The following NUFIP1 variants were observed in gnomAD, a reference collection of about 807,000 sequenced individuals.
The protein encoded by NUFIP1 is FMR1-interacting protein NUFIP1.
In NUFIP1, 38 loss-of-function variants were observed where a neutral mutation model predicts 56.2. The ratio of observed to expected loss-of-function variants is 0.68; its 90% confidence interval spans 0.52 to 0.89. NUFIP1 has a LOEUF of 0.89. NUFIP1 is among the 40% of genes least tolerant of loss of function. The pLI, the probability that NUFIP1 is intolerant of heterozygous loss-of-function variation, is 0.00. For missense variants in NUFIP1, 567 were observed against 605.8 expected (o/e 0.94, Z 0.67); for synonymous variants, 215 against 212.4 (o/e 1.01, Z -0.10).
intron 1 of NUFIP1, among the ~76,000 whole-genome samples, chr13:44,982,970 T>C (rs142925512): frequency 6.6e-6 from 1 of 152,276 alleles, no homozygotes; most frequent in East Asian, 1.9e-4. Context: ...ATCATGCCAC[T>C]ACACTCCAGT....
intron 7 of NUFIP1, 110 bp from the exon 8 acceptor site, chr13:44,949,948 A>T: frequency 1.3e-6 from 1 of 749,504 alleles, no homozygotes; most frequent in Non-Finnish European, 2.4e-6. Flanking sequence ...TCATTTCCTT[A>T]ATCTTTCCAA....
intron 5 of NUFIP1, among the ~76,000 whole-genome samples, chr13:44,970,958 G>A (rs1343477721): frequency 6.6e-6 from 1 of 152,172 alleles, no homozygotes; most frequent in Admixed American, 6.5e-5. Flanking sequence ...TTACAGGTGT[G>A]AGCCACCACG....
intron 6 of NUFIP1, among the ~76,000 whole-genome samples, chr13:44,962,254 C>T (rs1290225662): frequency 2.0e-5 from 3 of 152,162 alleles, no homozygotes; most frequent in Admixed American, 1.3e-4. Context: ...AAGAGATACA[C>T]TTTAAATATA....
At position 44,982,082 on chromosome 13, in the gene NUFIP1, T is replaced by C. The variant is rs554824619; in HGVS notation, c.485A>G (p.Gln162Arg). The change falls in exon 2 of 10, where the codon CAG (glutamine) becomes CGG (arginine). Residue 162 changes from glutamine to arginine, a missense_variant. Coordinates refer to ENST00000379161, the MANE Select transcript of NUFIP1 (RefSeq NM_012345.3). ...TDFSLPPSRK[Q>R]KKKKRKEPVF... Reference sequence around the variant, plus strand: ...ACATCTTTCAAATACCTTTTTTTTCTGTTTTCTACTGGGAGGTAAGCTGAA... The same window carrying C: ...ACATCTTTCAAATACCTTTTTTTTCCGTTTTCTACTGGGAGGTAAGCTGAA... The C allele has an allele frequency of 8.8e-5, 132 of 1,498,658 alleles. 1 individual carries two copies. The South Asian group carries it at 1.8e-3, about 21-fold the overall frequency. The allele number at this position is 1,498,658 out of a possible 1,614,324, so 92.8% of individuals were successfully genotyped here.
rs774722609 is a variant in NUFIP1 at position 44,965,849 on chromosome 13, T to C, written c.822A>G (p.Gln274=). ...EKRGAVLTTT[Q]YGKMKGMSRH... ...CATAAGCATAAGGAGCTTACCCATATTGTGTTGTTGTCAATACTGCTCCTC... is the reference window on the plus strand; with the variant it reads ...CATAAGCATAAGGAGCTTACCCATACTGTGTTGTTGTCAATACTGCTCCTC... Residue 274 remains glutamine (Q), a synonymous_variant, in exon 6 of 10, where the codon CAA becomes CAG. Coordinates refer to ENST00000379161, the MANE Select transcript of NUFIP1 (RefSeq NM_012345.3). 1.1e-5 allele frequency: 18 copies of C among 1,578,442 alleles called. No homozygotes were observed. Among genetic ancestry groups the C allele is most frequent in the Admixed American group, 5.4e-5 (3 of 55,262 alleles).
chr13:44,959,538 T>C lies in NUFIP1; in HGVS notation c.864A>G (p.Ala288=), dbSNP rs201097622. ...GATTCTTGCCAGGACTTCTGATCTT[T>C]GCCATTTGTGAATGTCTGGACATCC... ...MKGMSRHSQM[A]KIRSPGKNHK... Residue 288 remains alanine, a synonymous_variant, in exon 7 of 10, where the codon GCA becomes GCG. Coordinates refer to ENST00000379161, the MANE Select transcript of NUFIP1 (RefSeq NM_012345.3). The C allele has an allele frequency of 6.2e-7, 1 of 1,613,376 alleles. No individual in the cohort carries two copies. Among genetic ancestry groups the C allele is most frequent in the Non-Finnish European group, 8.5e-7 (1 of 1,179,858 alleles).
intron 6 of NUFIP1, among the ~76,000 whole-genome samples, chr13:44,962,086 TA>T (rs950489540): frequency 2.0e-5 from 3 of 151,334 alleles, no homozygotes; most frequent in Non-Finnish European, 2.9e-5. Context: ...GAGAGATTAA[TA>T]AAAAAAAGAT....
chr13:44,963,238 T>C (rs1871485104), intron 6 of NUFIP1, among the ~76,000 whole-genome samples: 1 of 152,252 alleles, frequency 6.6e-6, no homozygotes, highest in African/African-American at 2.4e-5. Context: ...CAATGTTTTG[T>C]AGTTCTGAGT....
intron 1 of NUFIP1, among the ~76,000 whole-genome samples, chr13:44,986,708 AAAG>A (rs1318898724): frequency 6.6e-6 from 1 of 151,724 alleles, no homozygotes; most frequent in Non-Finnish European, 1.5e-5. Flanking sequence ...AAAAAAAAAA[AAAG>A]AAGTGGAGCC....
chr13:44,973,789 C>A (rs1282866380), intron 5 of NUFIP1, among the ~76,000 whole-genome samples: 2 of 152,150 alleles, frequency 1.3e-5, no homozygotes, highest in African/African-American at 2.4e-5. Flanking sequence ...ATGAGCAGAA[C>A]TTTAAAGATG....
chr13:44,976,463 AAAAG>A (rs1871985153), intron 5 of NUFIP1, among the ~76,000 whole-genome samples: 1 of 151,992 alleles, frequency 6.6e-6, no homozygotes, highest in Non-Finnish European at 1.5e-5. Context: ...AGGAAGAAGA[AAAAG>A]AAGAATAACA....
intron 5 of NUFIP1, among the ~76,000 whole-genome samples, chr13:44,970,953 G>C (rs1871783655): frequency 6.6e-6 from 1 of 152,204 alleles, no homozygotes; most frequent in South Asian, 2.1e-4. Context: ...TGGGATTACA[G>C]GTGTGAGCCA....
rs1407078042 is a variant in NUFIP1 at position 44,939,920 on chromosome 13, C to A, written c.*1286G>T. Reference sequence around the variant, plus strand: ...TGTATGCTAACTAGTAATAAAAGTACAAACTGTGTTATATTTTAGAATATC... The same window carrying A: ...TGTATGCTAACTAGTAATAAAAGTAAAAACTGTGTTATATTTTAGAATATC... On this transcript the variant is annotated 3_prime_UTR_variant, in exon 10 of 10. Transcript: ENST00000379161. 6.6e-6 allele frequency: 1 copy of A among 152,076 alleles called. No individual in the cohort carries two copies. Among genetic ancestry groups the A allele is most frequent in the Non-Finnish European group, 1.5e-5 (1 of 68,010 alleles). 9.4% of individuals were successfully genotyped at this position (152,076 alleles called of 1,614,324 possible). A position where few individuals can be genotyped will look rare whatever the true frequency, so the allele number is the denominator to read the frequency against.
chr13:44,989,171 GC>G lies in NUFIP1; in HGVS notation c.265del (p.Ala89ArgfsTer114). ...AGACTGGGCGTCGAAGGGGGGTTGC[GC>G]CCCGGGAAGAATCTGGGCGTCGAAG... ...PPFDAQILPG[A>X]QPPFDAQSPL... On this transcript the variant is annotated frameshift_variant, in exon 1 of 10. Transcript: ENST00000379161. LOFTEE classifies it high-confidence loss of function. The G allele has an allele frequency of 1.2e-6, 2 of 1,613,172 alleles. No homozygotes were observed. Among genetic ancestry groups the G allele is most frequent in the Non-Finnish European group, 1.7e-6 (2 of 1,179,576 alleles).
intron 2 of NUFIP1, among the ~76,000 whole-genome samples, chr13:44,981,527 T>C (rs917344909): frequency 6.6e-6 from 1 of 152,160 alleles, no homozygotes; most frequent in Non-Finnish European, 1.5e-5. Flanking sequence ...GTATCAACTA[T>C]ATGGCCAGGC....
At chr13:44,988,761 T>C (rs2137933402) in intron 1 of NUFIP1, among the ~76,000 whole-genome samples, 1 of 152,300 alleles carries the variant, frequency 6.6e-6, no homozygotes, top group Non-Finnish European at 1.5e-5. Context: ...ATAAACTTAG[T>C]TGATAAAGCA....
chr13:44,952,840 C>T (rs1386166580), intron 7 of NUFIP1, among the ~76,000 whole-genome samples: 1 of 152,208 alleles, frequency 6.6e-6, no homozygotes, highest in African/African-American at 2.4e-5. Context: ...GTTGTCATGA[C>T]TCCTTAATCT....
chr13:44,941,624 C>T (rs902399326), intron 9 of NUFIP1, among the ~76,000 whole-genome samples: 2 of 152,172 alleles, frequency 1.3e-5, no homozygotes, highest in Non-Finnish European at 2.9e-5. Flanking sequence ...CGCCATTCTC[C>T]TGCCTCAGCC....
rs141318882 is a variant in NUFIP1, at chr13:44,988,121, T to A, written c.412+904A>T. 2.2e-4 allele frequency among the ~76,000 whole-genome samples: 34 copies of A among 152,336 alleles called. No individual in the cohort carries two copies. The East Asian group carries it at 6.2e-3, about 28-fold the overall frequency. ...CCTTCCTTATGACTAACAATGACATTTAAAACTGCACTACCTGGCCCGGCG... is the reference window on the plus strand; with the variant it reads ...CCTTCCTTATGACTAACAATGACATATAAAACTGCACTACCTGGCCCGGCG... On this transcript the variant is annotated intron_variant, in intron 1 of 9. Coordinates refer to ENST00000379161, the MANE Select transcript of NUFIP1 (RefSeq NM_012345.3).
Sources: gnomAD v4.1 joint callset for allele counts (sites outside exome capture counted in the v4.1 genomes callset) on GRCh38, gnomAD v4.1.1 for gene constraint, MANE v1.5 for transcripts, NCBI Gene and HGNC (gene_info 2026-07-23, HGNC 2026-07-21) for gene names.